Variants in RGS9 observed in about 807,000 individuals in gnomAD.
RGS9 encodes the protein regulator of G protein signaling 9, also known as regulator of G-protein signalling 9.
Under a neutral mutation model 102.0 loss-of-function variants are expected in RGS9, and 78 were observed. The ratio of observed to expected loss-of-function variants is 0.76; its 90% CI spans 0.64 to 0.92. The LOEUF (loss-of-function observed/expected upper bound fraction) is 0.92, where lower values mean the gene tolerates loss of function less well. Among genes scored for constraint, RGS9 ranks in the 40% least tolerant of loss-of-function variants. The pLI, the probability that RGS9 is intolerant of heterozygous loss-of-function variation, is 0.00. For missense variants in RGS9, 833 were observed against 866.1 expected, an observed-to-expected ratio of 0.96 and a Z score of 0.48; for synonymous variants, 353 against 318.6, an observed-to-expected ratio of 1.11 and a Z score of -1.15.
Position 65,221,115 on chromosome 17 carries a change from G to T in RGS9, c.1408-3887G>T, listed in dbSNP as rs920991123. On this transcript the variant is annotated intron_variant, in intron 17 of 18. Transcript: ENST00000262406. ...ATTGTCCAGGACCAGTAAAGCTAAT[G>T]GTCATTTGCCCAGAAGAAAGGACCA... is the stretch of plus-strand genomic sequence containing the variant. Among the ~76,000 whole-genome samples, 55 of 152,138 alleles carry T rather than the reference G, an allele frequency of 3.6e-4. 1 individual carries two copies. Among genetic ancestry groups the T allele is most frequent in the Non-Finnish European group, 1.8e-4 (12 of 68,016 alleles).
intron 13 of RGS9, among the ~76,000 whole-genome samples, chr17:65,198,586 G>C (rs1912691200): frequency 6.6e-6 from 1 of 152,196 alleles, no homozygotes; most frequent in Non-Finnish European, 1.5e-5. Flanking sequence ...GCACTTCCCG[G>C]AGAAGCATCC....
At chr17:65,160,655 T>G in intron 5 of RGS9, 68 bp downstream of exon 5, 6 of 1,548,336 alleles carry the variant, frequency 3.9e-6, no homozygotes, top group Non-Finnish European at 5.3e-6. Context: ...TTGCTGCACT[T>G]TGGTGACATT....
chr17:65,158,398 A>G (rs1375684280), intron 3 of RGS9, 53 bp downstream of exon 3: 23 of 1,503,050 alleles, frequency 1.5e-5, no homozygotes, highest in Non-Finnish European at 1.9e-5. Context: ...GTACAGCACC[A>G]TGGGAGAAAC....
At chr17:65,195,809 C>T (rs1485501392) in intron 12 of RGS9, among the ~76,000 whole-genome samples, 2 of 152,350 alleles carry the variant, frequency 1.3e-5, no homozygotes, top group East Asian at 3.9e-4. Context: ...TTTGAAAGCT[C>T]TGCTGATTTT....
rs754490004 is a variant in RGS9 at position 65,177,808 on chromosome 17, G to A, written c.654+5G>A. 3 of 1,613,692 alleles carry A rather than the reference G, an allele frequency of 1.9e-6. No homozygotes were observed. The highest frequency in any genetic ancestry group is 4.5e-5 in the East Asian group (2 of 44,890). On this transcript the variant is annotated splice_donor_5th_base_variant and intron_variant, in intron 9 of 18. Transcript: ENST00000262406. The stretch of plus-strand genomic sequence containing the variant: ...AATGAAGTCAAGGTAAACCAGGTAT[G>A]TCTCTGCTGCATAGTTTGGGTAGGG...
At chr17:65,187,873 G>A (rs1462770913) in intron 9 of RGS9, among the ~76,000 whole-genome samples, 1 of 152,194 alleles carries the variant, frequency 6.6e-6, no homozygotes, top group Non-Finnish European at 1.5e-5. Flanking sequence ...GTGTGTGCCT[G>A]TAGTCCCAGC....
At chr17:65,191,126 G>C (rs1345568395) in intron 11 of RGS9, among the ~76,000 whole-genome samples, 1 of 152,172 alleles carries the variant, frequency 6.6e-6, no homozygotes, top group Non-Finnish European at 1.5e-5. Context: ...CCTGATCCCA[G>C]CTGAGGAGGG....
At chr17:65,217,720 G>A (rs1913566928) in intron 17 of RGS9, among the ~76,000 whole-genome samples, 1 of 152,140 alleles carries the variant, frequency 6.6e-6, no homozygotes, top group African/African-American at 2.4e-5. Flanking sequence ...ATGATCCTGG[G>A]GAGGTGGGGA....
intron 15 of RGS9, among the ~76,000 whole-genome samples, chr17:65,204,993 C>T (rs954041263): frequency 6.6e-6 from 1 of 152,130 alleles, no homozygotes; most frequent in African/African-American, 2.4e-5. Flanking sequence ...AAATATTACA[C>T]ATAGAGGCGT....
chr17:65,149,891 G>A (rs182465608), intron 1 of RGS9, among the ~76,000 whole-genome samples: 5 of 152,332 alleles, frequency 3.3e-5, no homozygotes, highest in African/African-American at 1.2e-4. Flanking sequence ...GAGAAAGAAA[G>A]TCCCATGGAG....
rs1231585737 is a variant in RGS9, at chr17:65,188,500, G to A, written c.655-786G>A. Among the ~76,000 whole-genome samples the A allele has an allele frequency of 2.6e-5, 4 of 152,294 alleles. No homozygotes were observed. In the South Asian group the frequency reaches 6.2e-4, roughly 24 times the overall value. Reference sequence around the variant, plus strand: ...TTCAACTTATATTATTGGTCAAATTGTTATGACTACTTGGGGAATGCATCT... The same window carrying A: ...TTCAACTTATATTATTGGTCAAATTATTATGACTACTTGGGGAATGCATCT... On this transcript the variant is annotated intron_variant, in intron 9 of 18. Transcript: ENST00000262406.
Position 65,173,733 on chromosome 17 carries a change from G to C in RGS9, c.583-3999G>C, listed in dbSNP as rs568957268. On this transcript the variant is annotated intron_variant, in intron 8 of 18. Transcript: ENST00000262406. The surrounding 1 kb of genome is among the most constrained non-coding windows in gnomAD (Gnocchi z 4.8). ...TTCCTGGGCGCTGACAGTCAGTTCTGGTTAACTTCATCTGAACACCCTGTT... is the reference window on the plus strand; with the variant it reads ...TTCCTGGGCGCTGACAGTCAGTTCTCGTTAACTTCATCTGAACACCCTGTT... Among the ~76,000 whole-genome samples, 38 of 152,314 alleles carry C rather than the reference G, an allele frequency of 2.5e-4. No individual in the cohort carries two copies. Among genetic ancestry groups the C allele is most frequent in the African/African-American group, 8.9e-4 (37 of 41,558 alleles).
At chr17:65,224,747 G>A (rs574845876) in intron 17 of RGS9, among the ~76,000 whole-genome samples, 3 of 152,244 alleles carry the variant, frequency 2.0e-5, no homozygotes, top group South Asian at 2.1e-4. Context: ...TTCATGTCCC[G>A]GGATACAACT....
At chr17:65,215,488 C>T (rs1338713370) in intron 17 of RGS9, among the ~76,000 whole-genome samples, 1 of 114,578 alleles carries the variant, frequency 8.7e-6, no homozygotes, top group Non-Finnish European at 1.8e-5. Flanking sequence ...ATCTTTCTTT[C>T]GTTCTTTCGT....
At chr17:65,147,445 C>T (rs770828786) in intron 1 of RGS9, among the ~76,000 whole-genome samples, 15 of 152,118 alleles carry the variant, frequency 9.9e-5, no homozygotes. Context: ...GTCATGGTCC[C>T]ACGCTCCTTG....
At position 65,189,353 on chromosome 17, in the gene RGS9, A is replaced by C. The variant is rs202023100; in HGVS notation, c.684+38A>C. On this transcript the variant is annotated intron_variant, in intron 10 of 18. Coordinates refer to ENST00000262406, the MANE Select transcript of RGS9 (RefSeq NM_003835.4). ...ACACTTCCAGTGAAGAATGGTTTTAAATCTTCTAACAGGTTATATGTACTT... is the reference window on the plus strand; with the variant it reads ...ACACTTCCAGTGAAGAATGGTTTTACATCTTCTAACAGGTTATATGTACTT... The C allele has an allele frequency of 6.9e-4, 1,053 of 1,518,458 alleles. 4 individuals are homozygous for C. The highest frequency in any genetic ancestry group is 1.8e-3 in the South Asian group (156 of 89,080). 94.1% of individuals were successfully genotyped at this position (1,518,458 alleles called of 1,614,324 possible).
At position 65,163,015 on chromosome 17, in the gene RGS9, A is replaced by T. The variant is rs1488309734; in HGVS notation, c.426A>T (p.Glu142Asp). 9 of 1,551,034 alleles carry T rather than the reference A, an allele frequency of 5.8e-6. No homozygotes were observed. Among genetic ancestry groups the T allele is most frequent in the Non-Finnish European group, 8.0e-6 (9 of 1,124,468 alleles). ...CTCATTTTGTTTTTCTTCTTTAGGA[A>T]AATTACAATTTCTTGAACCAAAAAA... ...KKGILEEYEKENYNFLNQKMN... is the reference protein window; with the variant it reads ...KKGILEEYEKDNYNFLNQKMN... Residue 142 changes from glutamate (E) to aspartate (D), a missense_variant and splice_region_variant, in exon 7 of 19, where the codon GAA (glutamate) becomes GAT (aspartate). Physicochemically the swap from Glu to Asp is conservative, Grantham distance 45. This residue lies in a region of RGS9 where 328 missense variants were observed against 340.6 expected (regional missense o/e 0.96). Transcript: ENST00000262406.
chr17:65,139,972 C>T (rs558692890), intron 1 of RGS9, among the ~76,000 whole-genome samples: 3 of 152,282 alleles, frequency 2.0e-5, no homozygotes, highest in African/African-American at 7.2e-5. Context: ...GACCTGGGTG[C>T]AACTGTCACT....
chr17:65,139,360 G>C (rs574965000), intron 1 of RGS9, among the ~76,000 whole-genome samples: 12 of 148,580 alleles, frequency 8.1e-5, no homozygotes, highest in African/African-American at 3.0e-4. Context: ...GACCTGAAAC[G>C]CTCCACTGGC....
Sources: allele counts gnomAD v4.1 joint callset (sites outside exome capture counted in the v4.1 genomes callset), GRCh38; gene constraint gnomAD v4.1.1; regional missense constraint gnomAD v4.1.1; non-coding constraint Gnocchi (gnomAD v3.1); transcripts MANE v1.5; gene names NCBI Gene and HGNC (gene_info 2026-07-23, HGNC 2026-07-21).